MYO1D: variants seen among roughly 807,000 people sequenced by gnomAD.
MYO1D encodes myosin ID.
A neutral mutation model predicts 122.0 loss-of-function variants in MYO1D; 83 were observed. The observed-to-expected ratio is 0.68, with a 90% CI of 0.57 to 0.82. MYO1D has a LOEUF of 0.82. MYO1D is among the 40% of genes least tolerant of loss of function. The pLI, the probability that MYO1D is intolerant of heterozygous loss-of-function variation, is 0.00. For synonymous variants in MYO1D, 464 were observed against 446.9 expected, an observed-to-expected ratio of 1.04 and a Z score of -0.48; for missense variants, 1,157 against 1,269.5, an observed-to-expected ratio of 0.91 and a Z score of 1.35.
chr17:32,769,610 T>C (rs948948825), intron 6 of MYO1D, among the ~76,000 whole-genome samples: 2 of 152,026 alleles, frequency 1.3e-5, no homozygotes, highest in Non-Finnish European at 2.9e-5. Flanking sequence ...CATGGAAAGA[T>C]TATAATAAAA....
intron 12 of MYO1D, chr17:32,745,567 C>A (rs1382908145): frequency 3.5e-6 from 1 of 287,566 alleles, no homozygotes. Context: ...TATCATCCAG[C>A]ATTCCTAAGA....
chr17:32,559,351 T>TAATG (rs1293573929), intron 21 of MYO1D, among the ~76,000 whole-genome samples: 1 of 152,250 alleles, frequency 6.6e-6, no homozygotes, highest in Non-Finnish European at 1.5e-5. Context: ...TCTCCACACA[T>TAATG]AATGACCTGT....
intron 19 of MYO1D, among the ~76,000 whole-genome samples, chr17:32,646,611 T>C (rs1597968165): frequency 6.6e-6 from 1 of 152,148 alleles, no homozygotes; most frequent in African/African-American, 2.4e-5. Flanking sequence ...TCAAAACAAG[T>C]AGGTCCCATG....
At chr17:32,536,910 T>G (rs1381740220) in intron 21 of MYO1D, among the ~76,000 whole-genome samples, 4 of 152,180 alleles carry the variant, frequency 2.6e-5, no homozygotes, top group Admixed American at 6.5e-5. Context: ...AGTTCACACT[T>G]CTTGTCAGCA....
At chr17:32,709,030 C>T (rs985132554) in intron 16 of MYO1D, among the ~76,000 whole-genome samples, 4 of 152,140 alleles carry the variant, frequency 2.6e-5, no homozygotes, top group Non-Finnish European at 5.9e-5. Context: ...ATGAGCTGGG[C>T]TCATCTTTGG....
chr17:32,721,178 G>A lies in MYO1D; in HGVS notation c.1758C>T (p.Tyr586=), dbSNP rs1298644451. 3 of 1,613,026 alleles carry A rather than the reference G, an allele frequency of 1.9e-6. No homozygotes were observed. The highest frequency in any genetic ancestry group is 2.5e-6 in the Non-Finnish European group (3 of 1,179,676). ...TGTCATTGGGTTTGATGCAACGAAC[G>A]TAATATGGTTCCTAAAGAAATAAAT... is the stretch of plus-strand genomic sequence containing the variant. ...VDNLASKEPY[Y]VRCIKPNDKK... is the part of the protein sequence containing the mutation. Residue 586 remains tyrosine (Y), a synonymous_variant, in exon 15 of 22, where the codon TAC becomes TAT. Coordinates refer to ENST00000318217, the MANE Select transcript of MYO1D (RefSeq NM_015194.3).
chr17:32,712,927 G>A (rs1002504739), intron 15 of MYO1D, among the ~76,000 whole-genome samples: 15 of 152,090 alleles, frequency 9.9e-5, no homozygotes, highest in Admixed American at 7.9e-4. Context: ...TACTTTGTCA[G>A]AAGCAAATCA....
At chr17:32,523,577 A>G (rs1362537600) in intron 21 of MYO1D, among the ~76,000 whole-genome samples, 4 of 152,294 alleles carry the variant, frequency 2.6e-5, no homozygotes, top group South Asian at 4.1e-4. Flanking sequence ...ATGACAAAAC[A>G]GTGCCCGAGG....
chr17:32,541,294 C>T (rs1161170172), intron 21 of MYO1D, among the ~76,000 whole-genome samples: 1 of 152,132 alleles, frequency 6.6e-6, no homozygotes, highest in East Asian at 1.9e-4. Flanking sequence ...CATGGATGAA[C>T]CTTGAAAATG....
At chr17:32,857,111 T>TATAA (rs2091033361) in intron 1 of MYO1D, among the ~76,000 whole-genome samples, 1 of 152,238 alleles carries the variant, frequency 6.6e-6, no homozygotes, top group African/African-American at 2.4e-5. Flanking sequence ...TTCATACCTG[T>TATAA]ATAACACCTA....
intron 21 of MYO1D, among the ~76,000 whole-genome samples, chr17:32,537,644 A>C (rs1484094115): frequency 1.3e-5 from 2 of 152,194 alleles, no homozygotes; most frequent in Non-Finnish European, 2.9e-5. Flanking sequence ...CAATTATGAA[A>C]TGACCAGTTT....
intron 21 of MYO1D, among the ~76,000 whole-genome samples, chr17:32,584,249 A>G (rs980770066): frequency 6.6e-5 from 10 of 152,150 alleles, no homozygotes; most frequent in African/African-American, 2.4e-4. Flanking sequence ...TACTTCCACA[A>G]ACTTATTATA....
chr17:32,782,799 G>A (rs1179601170), intron 1 of MYO1D, among the ~76,000 whole-genome samples: 1 of 152,108 alleles, frequency 6.6e-6, no homozygotes, highest in Non-Finnish European at 1.5e-5. Context: ...GCTCGGCGTG[G>A]TGGTGCACAC....
chr17:32,804,160 T>TA (rs1277752678), intron 1 of MYO1D, among the ~76,000 whole-genome samples: 1 of 152,192 alleles, frequency 6.6e-6, no homozygotes, highest in Non-Finnish European at 1.5e-5. Context: ...CTGTATACTT[T>TA]AAATCATCTC....
chr17:32,767,852 G>T, intron 6 of MYO1D, 100 bp from the exon 7 acceptor site: 1 of 788,722 alleles, frequency 1.3e-6, no homozygotes, highest in Non-Finnish European at 2.1e-6. Flanking sequence ...TGCCTTCATA[G>T]TAAATCACTT....
chr17:32,808,885 G>A (rs934719480), intron 1 of MYO1D, among the ~76,000 whole-genome samples: 2 of 152,084 alleles, frequency 1.3e-5, no homozygotes, highest in Non-Finnish European at 2.9e-5. Flanking sequence ...CCTACTTTAT[G>A]ATATTTTGTT....
intron 19 of MYO1D, among the ~76,000 whole-genome samples, chr17:32,641,837 T>C (rs1226042028): frequency 1.3e-5 from 2 of 152,214 alleles, no homozygotes; most frequent in African/African-American, 2.4e-5. Flanking sequence ...ATTAGCCCTT[T>C]GTCAGATGAG....
intron 21 of MYO1D, among the ~76,000 whole-genome samples, chr17:32,570,694 T>C (rs1366591624): frequency 6.6e-6 from 1 of 152,138 alleles, no homozygotes; most frequent in Non-Finnish European, 1.5e-5. Flanking sequence ...ACATTCTTCA[T>C]GCTTTCAAAG....
At chr17:32,816,234 C>T (rs371949041) in intron 1 of MYO1D, among the ~76,000 whole-genome samples, 8 of 152,236 alleles carry the variant, frequency 5.3e-5, no homozygotes, top group African/African-American at 1.9e-4. Context: ...AAAAAATTAT[C>T]AACAATCATA....
Sources: allele counts gnomAD v4.1 joint callset (sites outside exome capture counted in the v4.1 genomes callset), GRCh38; gene constraint gnomAD v4.1.1; transcripts MANE v1.5; gene names NCBI Gene and HGNC (gene_info 2026-07-23, HGNC 2026-07-21).